Variants in PTPRD observed in about 807,000 individuals in gnomAD.
The protein encoded by PTPRD is protein tyrosine phosphatase receptor type D.
PTPRD carries 34 observed loss-of-function variants against 214.5 expected under a neutral mutation model. The ratio of observed to expected loss-of-function variants is 0.16; its 90% CI spans 0.12 to 0.21. The LOEUF (loss-of-function observed/expected upper bound fraction) is 0.21. Ranked by LOEUF, PTPRD falls within the 10% of genes least tolerant of loss-of-function variation. The pLI is 1.00. For synonymous variants in PTPRD, 1,128 were observed against 845.7 expected (o/e 1.33, Z -5.79); for missense variants, 2,545 against 2,398.7 (o/e 1.06, Z -1.27).
intron 10 of PTPRD, among the ~76,000 whole-genome samples, chr9:9,079,285 A>G (rs2099755650): frequency 1.3e-5 from 2 of 151,936 alleles, no homozygotes; most frequent in Non-Finnish European, 2.9e-5. Context: ...TAGCTTCCAC[A>G]TATGGGTGAG....
rs533350301 is a variant in PTPRD at position 8,964,135 on chromosome 9, G to C, written c.-104+54562C>G. On this transcript the variant is annotated intron_variant, in intron 11 of 45. Coordinates refer to ENST00000381196, the MANE Select transcript of PTPRD (RefSeq NM_002839.4). Reference sequence around the variant, plus strand: ...AATAGTTTCAGTAGAATTGGTACTAGCTCTTCTTTGTACATCTGGTGGAAT... The same window carrying C: ...AATAGTTTCAGTAGAATTGGTACTACCTCTTCTTTGTACATCTGGTGGAAT... Among the ~76,000 whole-genome samples the C allele has an allele frequency of 4.4e-5, 6 of 136,256 alleles. No homozygotes were observed. In the South Asian group the frequency reaches 1.2e-3, roughly 28 times the overall value. The allele number at this position is 136,256 out of a possible 152,430, so 89.4% of individuals were successfully genotyped here.
At chr9:10,250,360 G>C (rs2092658913) in intron 3 of PTPRD, among the ~76,000 whole-genome samples, 2 of 151,936 alleles carry the variant, frequency 1.3e-5, no homozygotes, top group Admixed American at 6.6e-5. Flanking sequence ...TAAGACAGCT[G>C]AACAGTTTCT....
chr9:9,296,004 G>T (rs552728994), intron 9 of PTPRD, among the ~76,000 whole-genome samples: 1 of 151,846 alleles, frequency 6.6e-6, no homozygotes, highest in Non-Finnish European at 1.5e-5. Flanking sequence ...GATACCTCAG[G>T]TTTTTTGTTT....
At chr9:10,043,779 T>G (rs1241965732) in intron 3 of PTPRD, among the ~76,000 whole-genome samples, 2 of 151,880 alleles carry the variant, frequency 1.3e-5, no homozygotes, top group African/African-American at 4.8e-5. Flanking sequence ...GATTATTTCA[T>G]GTAGGATCTA....
chr9:9,950,310 G>C (rs1401450088), intron 4 of PTPRD, among the ~76,000 whole-genome samples: 1 of 152,158 alleles, frequency 6.6e-6, no homozygotes, highest in Non-Finnish European at 1.5e-5. Flanking sequence ...GTAGAAGTGT[G>C]GGGAGTTCAT....
chr9:8,941,416 T>C (rs1247194538), intron 11 of PTPRD, among the ~76,000 whole-genome samples: 1 of 152,116 alleles, frequency 6.6e-6, no homozygotes, highest in African/African-American at 2.4e-5. Flanking sequence ...CATATGTGTG[T>C]GTGTATATAT....
Position 9,712,424 on chromosome 9 carries a change from C to A in PTPRD, c.-287+22109G>T, listed in dbSNP as rs186540269. Among the ~76,000 whole-genome samples the A allele has an allele frequency of 4.2e-3, 641 of 152,082 alleles. 3 individuals carry two copies. Among genetic ancestry groups the A allele is most frequent in the African/African-American group, 0.015 (620 of 41,516 alleles). The stretch of plus-strand genomic sequence containing the variant: ...AAAAAAATTATTTTACTTTTTACTC[C>A]AGTTCATTAATATTTTTAATTCATG... On this transcript the variant is annotated intron_variant, in intron 7 of 45. Coordinates refer to ENST00000381196, the MANE Select transcript of PTPRD (RefSeq NM_002839.4).
chr9:10,538,293 AAT>A (rs1212272047), intron 2 of PTPRD, among the ~76,000 whole-genome samples: 12 of 128,388 alleles, frequency 9.3e-5, no homozygotes, highest in African/African-American at 3.8e-4. Flanking sequence ...TAAATAAATA[AAT>A]AAAAAGGGAG....
intron 9 of PTPRD, among the ~76,000 whole-genome samples, chr9:9,346,197 T>C (rs755904800): frequency 3.3e-5 from 5 of 152,182 alleles, no homozygotes; most frequent in Non-Finnish European, 5.9e-5. Flanking sequence ...AGGAGTCTAG[T>C]GATCTACTAA....
chr9:9,338,297 T>G (rs984244580), intron 9 of PTPRD, among the ~76,000 whole-genome samples: 1 of 152,138 alleles, frequency 6.6e-6, no homozygotes, highest in Non-Finnish European at 1.5e-5. Context: ...ATTCCATTCT[T>G]AAGAATATGT....
chr9:9,831,517 T>G (rs1305596624), intron 5 of PTPRD, among the ~76,000 whole-genome samples: 2 of 152,040 alleles, frequency 1.3e-5, no homozygotes, highest in Admixed American at 6.6e-5. Context: ...CTTTTATAAC[T>G]TGTCTGATAG....
chr9:9,596,853 A>T (rs2093390243), intron 7 of PTPRD, among the ~76,000 whole-genome samples: 1 of 152,098 alleles, frequency 6.6e-6, no homozygotes, highest in African/African-American at 2.4e-5. Context: ...TTAGAATTAC[A>T]AATTAAAATA....
intron 7 of PTPRD, among the ~76,000 whole-genome samples, chr9:9,710,818 A>C (rs962369229): frequency 6.6e-6 from 1 of 152,114 alleles, no homozygotes; most frequent in African/African-American, 2.4e-5. Flanking sequence ...TTTCTAGAAT[A>C]ATGTTATTTC....
intron 2 of PTPRD, among the ~76,000 whole-genome samples, chr9:10,354,189 C>T (rs908193681): frequency 6.6e-6 from 1 of 152,122 alleles, no homozygotes; most frequent in South Asian, 2.1e-4. Flanking sequence ...CATTGTCCAG[C>T]ATATTTTAAT....
intron 5 of PTPRD, among the ~76,000 whole-genome samples, chr9:9,805,396 T>G (rs190595597): frequency 5.4e-4 from 82 of 152,194 alleles, no homozygotes; most frequent in African/African-American, 1.9e-3. Flanking sequence ...AGCAACAGTA[T>G]TAGAAAAGAG....
intron 9 of PTPRD, among the ~76,000 whole-genome samples, chr9:9,254,248 T>G (rs748736970): frequency 6.6e-6 from 1 of 152,036 alleles, no homozygotes; most frequent in Non-Finnish European, 1.5e-5. Flanking sequence ...CATTAGGAAT[T>G]CTATTAGAAC....
At chr9:10,018,538 CTTTT>C (rs71321214) in intron 4 of PTPRD, among the ~76,000 whole-genome samples, 32 of 71,116 alleles carry the variant, frequency 4.5e-4, no homozygotes, top group African/African-American at 1.5e-3. Context: ...AATTACATTT[CTTTT>C]TTTTTTTTTT....
At chr9:8,893,972 C>G (rs2154243626) in intron 11 of PTPRD, among the ~76,000 whole-genome samples, 1 of 152,176 alleles carries the variant, frequency 6.6e-6, no homozygotes, top group South Asian at 2.1e-4. Flanking sequence ...AAAAGATATA[C>G]AGCTCAAACA....
rs577317255 is a variant in PTPRD at position 9,337,601 on chromosome 9, G to A, written c.-203+59848C>T. On this transcript the variant is annotated intron_variant, in intron 9 of 45. Transcript: ENST00000381196. The stretch of plus-strand genomic sequence containing the variant: ...TAATATGAATCTACCTTTAAGTGAT[G>A]GACAACCTGACAAATCGCATACGTG... 1.1e-4 allele frequency among the ~76,000 whole-genome samples: 17 copies of A among 152,238 alleles called. No individual in the cohort carries two copies. The South Asian group carries it at 3.5e-3, about 32-fold the overall frequency.
Sources: gnomAD v4.1 joint callset for allele counts (sites outside exome capture counted in the v4.1 genomes callset) on GRCh38, gnomAD v4.1.1 for gene constraint, MANE v1.5 for transcripts, NCBI Gene and HGNC (gene_info 2026-07-23, HGNC 2026-07-21) for gene names.